Variants in GPHN observed in about 807,000 individuals in gnomAD.
GPHN encodes gephyrin.
In GPHN, 17 loss-of-function variants were observed where a neutral mutation model predicts 95.5. The observed-to-expected ratio is 0.18, with a 90% CI of 0.12 to 0.27. GPHN has a LOEUF of 0.27. GPHN is among the 10% of genes least tolerant of loss of function. The pLI is 1.00. For synonymous variants in GPHN, 320 were observed against 322.5 expected (o/e 0.99, Z 0.08); for missense variants, 660 against 978.1 (o/e 0.67, Z 4.34).
chr14:67,255,624 T>C, the GPHN span, among the ~76,000 whole-genome samples: 1 of 152,214 alleles, frequency 6.6e-6, no homozygotes, highest in South Asian at 2.1e-4. Flanking sequence ...GAGATAACAC[T>C]TCGATTACTT....
the GPHN span, among the ~76,000 whole-genome samples, chr14:67,230,006 G>T: frequency 1.3e-5 from 2 of 152,162 alleles, no homozygotes; most frequent in African/African-American, 2.4e-5. Context: ...ACCAAGAGGA[G>T]ACTAACGTTT....
intron 8 of GPHN, among the ~76,000 whole-genome samples, chr14:66,947,066 A>G (rs1162484162): frequency 1.3e-5 from 2 of 151,554 alleles, no homozygotes; most frequent in Non-Finnish European, 2.9e-5. Context: ...TGTTACCAAA[A>G]CTCCTTGACA....
At chr14:67,709,946 GAT>G in the GPHN span, among the ~76,000 whole-genome samples, 1 of 152,218 alleles carries the variant, frequency 6.6e-6, no homozygotes, top group Non-Finnish European at 1.5e-5. Context: ...TGCTCACTGA[GAT>G]AGATACATAT....
At chr14:67,725,398 A>G in the GPHN span, 1 of 857,636 alleles carries the variant, frequency 1.2e-6, no homozygotes, top group Non-Finnish European at 1.9e-6. Flanking sequence ...AGGACAGGGA[A>G]TTGGCAAGAG....
At chr14:67,630,843 A>G in the GPHN span, among the ~76,000 whole-genome samples, 1 of 152,160 alleles carries the variant, frequency 6.6e-6, no homozygotes, top group Non-Finnish European at 1.5e-5. Flanking sequence ...TTGGCCTCCC[A>G]AAGTGCTGGG....
intron 4 of GPHN, among the ~76,000 whole-genome samples, chr14:66,853,934 G>C (rs1270376789): frequency 6.6e-6 from 1 of 152,096 alleles, no homozygotes; most frequent in African/African-American, 2.4e-5. Flanking sequence ...TTTCTATTTT[G>C]CCGTTAGTTT....
intron 1 of GPHN, among the ~76,000 whole-genome samples, chr14:66,562,602 T>G (rs1167665101): frequency 6.6e-6 from 1 of 152,150 alleles, no homozygotes; most frequent in African/African-American, 2.4e-5. Flanking sequence ...ACGTATCCTT[T>G]TAACCAAAGA....
At chr14:66,739,410 G>C (rs1270258324) in intron 2 of GPHN, among the ~76,000 whole-genome samples, 1 of 151,018 alleles carries the variant, frequency 6.6e-6, no homozygotes, top group Non-Finnish European at 1.5e-5. Context: ...TAAAGATGGG[G>C]TTTCACTGTG....
intron 10 of GPHN, among the ~76,000 whole-genome samples, chr14:67,056,724 C>T (rs534045869): frequency 1.8e-4 from 28 of 152,312 alleles, no homozygotes; most frequent in East Asian, 7.7e-4. Flanking sequence ...ACACCACGTG[C>T]CCACACTCAG....
chr14:66,628,430 A>T (rs1451718989), intron 1 of GPHN, among the ~76,000 whole-genome samples: 12 of 152,120 alleles, frequency 7.9e-5, no homozygotes, highest in Admixed American at 7.9e-4. Context: ...GTTATAACAC[A>T]ATGGCAAATA....
chr14:67,458,269 G>A, the GPHN span, among the ~76,000 whole-genome samples: 1 of 152,172 alleles, frequency 6.6e-6, no homozygotes, highest in African/African-American at 2.4e-5. Flanking sequence ...CTGGAGTGTG[G>A]GGTGAGGAGC....
chr14:67,689,412 A>G, the GPHN span, among the ~76,000 whole-genome samples: 1 of 152,140 alleles, frequency 6.6e-6, no homozygotes, highest in Non-Finnish European at 1.5e-5. Flanking sequence ...GTGACTGGAA[A>G]TTCCCCTTCT....
chr14:67,729,436 CTCGCTGGGCTGT>C, the GPHN span: 1 of 1,532,860 alleles, frequency 6.5e-7, no homozygotes. Flanking sequence ...AGGTGCCGGA[CTCGCTGGGCTGT>C]TCATCCTGAG....
the GPHN span, among the ~76,000 whole-genome samples, chr14:67,458,202 C>T: frequency 6.6e-6 from 1 of 152,112 alleles, no homozygotes; most frequent in Non-Finnish European, 1.5e-5. Flanking sequence ...AGAGTGCGTA[C>T]AGGGTGACAG....
the GPHN span, among the ~76,000 whole-genome samples, chr14:67,590,872 G>A: frequency 1.3e-5 from 2 of 152,152 alleles, no homozygotes; most frequent in Non-Finnish European, 2.9e-5. Context: ...GAATAAGCAA[G>A]AGGAAAAACA....
At chr14:66,614,207 A>G (rs955716986) in intron 1 of GPHN, among the ~76,000 whole-genome samples, 1 of 152,134 alleles carries the variant, frequency 6.6e-6, no homozygotes, top group Non-Finnish European at 1.5e-5. Context: ...TAACTATATT[A>G]ATTTGGGTCT....
chr14:67,359,754 C>T, the GPHN span: 1 of 1,602,834 alleles, frequency 6.2e-7, no homozygotes, highest in Middle Eastern at 1.7e-4. Context: ...GCTGCAATAG[C>T]TCCAGAACTG....
chr14:67,269,123 A>G, the GPHN span, among the ~76,000 whole-genome samples: 4 of 152,138 alleles, frequency 2.6e-5, no homozygotes, highest in African/African-American at 9.7e-5. Context: ...ATCATACAGT[A>G]TGTGGTCGTG....
the GPHN span, among the ~76,000 whole-genome samples, chr14:67,693,538 C>T: frequency 7.4e-4 from 112 of 151,452 alleles, no homozygotes; most frequent in African/African-American, 2.5e-3. Context: ...CACACCCACA[C>T]GCATGCACAT....
Sources: allele counts gnomAD v4.1 joint callset (sites outside exome capture counted in the v4.1 genomes callset), GRCh38; gene constraint gnomAD v4.1.1; transcripts MANE v1.5; gene names NCBI Gene and HGNC (gene_info 2026-07-23, HGNC 2026-07-21).